The following DPP6 variants were observed in gnomAD, a reference collection of about 807,000 sequenced individuals.
DPP6 encodes the protein dipeptidyl peptidase like 6, also known as A-type potassium channel modulatory protein DPP6.
In DPP6, 69 loss-of-function variants were observed where a neutral mutation model predicts 122.6. That is an observed-to-expected ratio of 0.56 (90% CI 0.46 to 0.69). The LOEUF is 0.69. DPP6 is among the 30% of genes least tolerant of loss of function. DPP6 has a pLI of 0.00. For missense variants in DPP6, 928 were observed against 1,116.9 expected (o/e 0.83, Z 2.41); for synonymous variants, 418 against 433.1 (o/e 0.97, Z 0.43).
At chr7:154,716,054 T>C (rs1841464403) in intron 7 of DPP6, among the ~76,000 whole-genome samples, 2 of 152,220 alleles carry the variant, frequency 1.3e-5, no homozygotes, top group African/African-American at 4.8e-5. Context: ...AATCCTAATA[T>C]TTTTCAAATC....
At chr7:153,877,128 C>CA in the DPP6 span, among the ~76,000 whole-genome samples, 17 of 151,144 alleles carry the variant, frequency 1.1e-4, no homozygotes, top group East Asian at 1.2e-3. Context: ...AAAACTAAAA[C>CA]AAAAAAAACC....
At chr7:154,648,294 C>T (rs1345272396) in intron 6 of DPP6, among the ~76,000 whole-genome samples, 2 of 151,946 alleles carry the variant, frequency 1.3e-5, no homozygotes, top group Admixed American at 1.3e-4. Context: ...CACTGAGCCC[C>T]TCGCAAGTGC....
At chr7:153,840,606 ACAGT>A in the DPP6 span, among the ~76,000 whole-genome samples, 1 of 152,222 alleles carries the variant, frequency 6.6e-6, no homozygotes, top group Non-Finnish European at 1.5e-5. Flanking sequence ...TTGGAAATAA[ACAGT>A]CAGAACTCCA....
At chr7:154,881,468 T>C (rs1179549088) in intron 21 of DPP6, among the ~76,000 whole-genome samples, 1 of 152,152 alleles carries the variant, frequency 6.6e-6, no homozygotes, top group East Asian at 1.9e-4. Flanking sequence ...GTTAGGTCTC[T>C]GCACCGCCAC....
intron 8 of DPP6, among the ~76,000 whole-genome samples, chr7:154,753,242 G>T (rs923020143): frequency 6.6e-6 from 1 of 152,138 alleles, no homozygotes; most frequent in Non-Finnish European, 1.5e-5. Context: ...CATGGAGCTG[G>T]TGTCACTCAT....
At chr7:153,755,919 C>A in the DPP6 span, among the ~76,000 whole-genome samples, 7 of 152,192 alleles carry the variant, frequency 4.6e-5, no homozygotes, top group African/African-American at 1.2e-4. Flanking sequence ...TGGGACATGG[C>A]AAACTCATGC....
chr7:154,724,712 T>C (rs751837706), intron 7 of DPP6, among the ~76,000 whole-genome samples: 2 of 151,768 alleles, frequency 1.3e-5, no homozygotes, highest in Non-Finnish European at 2.9e-5. Flanking sequence ...ATGAGGTCCC[T>C]GGAGTTGTCA....
chr7:153,925,868 G>A (rs1800873048), intron 1 of DPP6, among the ~76,000 whole-genome samples: 1 of 152,178 alleles, frequency 6.6e-6, no homozygotes, highest in Admixed American at 6.5e-5. Context: ...TTTTACTTTG[G>A]CTCCACAATG....
chr7:153,761,477 A>G, the DPP6 span, among the ~76,000 whole-genome samples: 6 of 152,218 alleles, frequency 3.9e-5, no homozygotes, highest in Admixed American at 2.6e-4. Context: ...CTTGTCAACA[A>G]TTTGACATTT....
intron 1 of DPP6, among the ~76,000 whole-genome samples, chr7:154,124,355 T>G (rs914695021): frequency 6.6e-6 from 1 of 150,468 alleles, no homozygotes; most frequent in African/African-American, 2.5e-5. Context: ...GGGAGGAGGG[T>G]GAGAGCATGA....
intron 5 of DPP6, among the ~76,000 whole-genome samples, chr7:154,612,528 G>A (rs1833977051): frequency 6.6e-6 from 1 of 152,176 alleles, no homozygotes; most frequent in Non-Finnish European, 1.5e-5. Flanking sequence ...TGGTATTGGT[G>A]TAACAGTTTA....
intron 17 of DPP6, among the ~76,000 whole-genome samples, chr7:154,866,848 G>A (rs1362074525): frequency 6.6e-6 from 1 of 152,150 alleles, no homozygotes; most frequent in Non-Finnish European, 1.5e-5. Flanking sequence ...AAGGTTGCCA[G>A]GCCTTCTGGG....
intron 1 of DPP6, among the ~76,000 whole-genome samples, chr7:154,101,715 G>A (rs902563647): frequency 4.0e-5 from 6 of 151,696 alleles, no homozygotes; most frequent in African/African-American, 1.2e-4. Context: ...ATCACCTGAG[G>A]TCAGGAGTTG....
chr7:154,830,854 A>G (rs1800574842), intron 16 of DPP6, among the ~76,000 whole-genome samples: 1 of 152,206 alleles, frequency 6.6e-6, no homozygotes, highest in African/African-American at 2.4e-5. Flanking sequence ...TTCATGTTTC[A>G]AGTATGAGTT....
intron 1 of DPP6, among the ~76,000 whole-genome samples, chr7:154,233,185 T>C (rs1056424222): frequency 7.2e-5 from 11 of 152,192 alleles, no homozygotes; most frequent in Non-Finnish European, 1.6e-4. Flanking sequence ...TGAGAAAAGC[T>C]GGAATAGAAA....
the DPP6 span, among the ~76,000 whole-genome samples, chr7:153,798,197 C>A: frequency 1.3e-5 from 2 of 152,156 alleles, no homozygotes; most frequent in African/African-American, 4.8e-5. Context: ...ACCTTCATGA[C>A]CTCGTCTATA....
chr7:153,986,631 A>G (rs1343430964), intron 1 of DPP6, among the ~76,000 whole-genome samples: 3 of 152,226 alleles, frequency 2.0e-5, no homozygotes, highest in Non-Finnish European at 2.9e-5. Context: ...GAGATGCCAC[A>G]ACATTGAATG....
chr7:154,553,489 G>T, intron 4 of DPP6, among the ~76,000 whole-genome samples: 1 of 152,122 alleles, frequency 6.6e-6, no homozygotes, highest in East Asian at 1.9e-4. Context: ...TGTGACTAAA[G>T]AATCCTAAAC....
chr7:154,426,023 C>G (rs1436186739), intron 1 of DPP6, among the ~76,000 whole-genome samples: 1 of 152,158 alleles, frequency 6.6e-6, no homozygotes. Flanking sequence ...TGAGATTTTA[C>G]TACAAAAAGA....
Sources: gnomAD v4.1 joint callset for allele counts (sites outside exome capture counted in the v4.1 genomes callset) on GRCh38, gnomAD v4.1.1 for gene constraint, MANE v1.5 for transcripts, NCBI Gene and HGNC (gene_info 2026-07-23, HGNC 2026-07-21) for gene names.